Variants in ANKRD44 observed in about 807,000 individuals in gnomAD.
ANKRD44 encodes the protein ankyrin repeat domain 44.
A neutral mutation model predicts 116.0 loss-of-function variants in ANKRD44; 35 were observed. That is an observed-to-expected ratio of 0.30 (90% CI 0.23 to 0.40). ANKRD44 has a LOEUF of 0.40. Ranked by LOEUF, ANKRD44 falls within the 10% of genes least tolerant of loss-of-function variation. The probability of loss-of-function intolerance (pLI) is 1.00; values close to 1 mark genes in which losing one functional copy is unlikely to be tolerated. For missense variants in ANKRD44, 1,014 were observed against 1,242.6 expected, an observed-to-expected ratio of 0.82 and a Z score of 2.77; for synonymous variants, 435 against 461.8, an observed-to-expected ratio of 0.94 and a Z score of 0.74.
chr2:196,967,188 C>T (rs2075678175), exon 22 of ANKRD44: 1 of 228,688 alleles, frequency 4.4e-6, no homozygotes, highest in African/African-American at 2.2e-5. Flanking sequence ...AGCCAACACC[C>T]TTGCCTTCTG....
At chr2:197,008,046 T>C (rs1426959515) in intron 19 of ANKRD44, 123 bp from the exon 20 acceptor site, 12 of 687,608 alleles carry the variant, frequency 1.7e-5, no homozygotes, top group Non-Finnish European at 3.0e-5. Flanking sequence ...TTTCTTAATA[T>C]TTTCTAAGTG....
intron 11 of ANKRD44, 127 bp from the exon 12 acceptor site, chr2:197,088,901 T>A: frequency 9.9e-7 from 1 of 1,006,378 alleles, no homozygotes; most frequent in Non-Finnish European, 1.4e-6. Flanking sequence ...CAAGCAATTG[T>A]AGTCAGAAAG....
chr2:197,060,124 TAAG>T (rs1491003697), intron 16 of ANKRD44, among the ~76,000 whole-genome samples: 1 of 152,180 alleles, frequency 6.6e-6, no homozygotes, highest in Non-Finnish European at 1.5e-5. Context: ...TGGATAATGA[TAAG>T]AATAATAGAA....
At chr2:197,278,546 G>T (rs543595342) in intron 1 of ANKRD44, among the ~76,000 whole-genome samples, 1 of 152,062 alleles carries the variant, frequency 6.6e-6, no homozygotes, top group Admixed American at 6.6e-5. Context: ...TAGTAGAGAC[G>T]GGGTTTCACC....
intron 1 of ANKRD44, among the ~76,000 whole-genome samples, chr2:197,248,556 G>GTA (rs749889962): frequency 6.6e-5 from 2 of 30,392 alleles, no homozygotes; most frequent in Non-Finnish European, 1.7e-4. Flanking sequence ...ATATGTATAT[G>GTA]TGTGTGTGTG....
intron 1 of ANKRD44, among the ~76,000 whole-genome samples, chr2:197,230,954 T>TAG (rs1412406481): frequency 6.6e-6 from 1 of 152,174 alleles, no homozygotes; most frequent in African/African-American, 2.4e-5. Flanking sequence ...AACTCAGTCT[T>TAG]CTGGCTCTAC....
chr2:197,242,922 G>C (rs2082119762), intron 1 of ANKRD44, among the ~76,000 whole-genome samples: 1 of 152,136 alleles, frequency 6.6e-6, no homozygotes, highest in African/African-American at 2.4e-5. Flanking sequence ...CAGATGTAAG[G>C]GCCACAAATA....
intron 21 of ANKRD44, among the ~76,000 whole-genome samples, chr2:196,971,802 C>G (rs1220555256): frequency 1.3e-5 from 2 of 152,188 alleles, no homozygotes; most frequent in African/African-American, 4.8e-5. Flanking sequence ...CAGGCTCTCC[C>G]CATGGGGCAA....
chr2:197,085,287 G>A (rs1056095195), intron 13 of ANKRD44, among the ~76,000 whole-genome samples: 7 of 152,052 alleles, frequency 4.6e-5, no homozygotes, highest in South Asian at 4.2e-4. Flanking sequence ...ACCTCACGAC[G>A]GGGCCCAAAG....
At chr2:197,241,245 A>G (rs1167098007) in intron 1 of ANKRD44, among the ~76,000 whole-genome samples, 1 of 152,238 alleles carries the variant, frequency 6.6e-6, no homozygotes, top group Non-Finnish European at 1.5e-5. Context: ...GGATGCTAAT[A>G]AATTCTACAC....
intron 16 of ANKRD44, among the ~76,000 whole-genome samples, chr2:197,042,772 C>G (rs541186198): frequency 1.3e-5 from 2 of 152,316 alleles, no homozygotes; most frequent in African/African-American, 4.8e-5. Context: ...AGGCATCCAG[C>G]AATTCTGAAA....
chr2:197,180,090 C>T (rs188207902), intron 2 of ANKRD44, among the ~76,000 whole-genome samples: 1 of 150,950 alleles, frequency 6.6e-6, no homozygotes, highest in Non-Finnish European at 1.5e-5. Flanking sequence ...AATCAGCGAG[C>T]CAGAAACAGT....
At chr2:197,000,326 T>G in intron 23 of ANKRD44, 93 bp downstream of exon 23, 1 of 954,780 alleles carries the variant, frequency 1.0e-6, no homozygotes. Flanking sequence ...CATTATTCTT[T>G]CAATTAAAAA....
chr2:197,084,774 A>C (rs1467415230), intron 13 of ANKRD44, among the ~76,000 whole-genome samples: 2 of 152,148 alleles, frequency 1.3e-5, no homozygotes, highest in Admixed American at 6.5e-5. Context: ...GAAATTTTAA[A>C]TATTTTACCT....
chr2:197,287,837 T>C (rs57050480), intron 1 of ANKRD44, among the ~76,000 whole-genome samples: 2 of 151,576 alleles, frequency 1.3e-5, no homozygotes, highest in African/African-American at 4.9e-5. Flanking sequence ...CTGGCCAACA[T>C]GGTGAAACCC....
intron 16 of ANKRD44, among the ~76,000 whole-genome samples, chr2:197,034,050 T>TAGAGAGAGAGAC: frequency 9.0e-6 from 1 of 110,662 alleles, no homozygotes; most frequent in Non-Finnish European, 1.8e-5. Flanking sequence ...ATATGAGGGC[T>TAGAGAGAGAGAC]AGAGAGAGAG....
chr2:197,068,284 C>A (rs1186715909), intron 16 of ANKRD44, among the ~76,000 whole-genome samples: 1 of 134,558 alleles, frequency 7.4e-6, no homozygotes, highest in African/African-American at 2.8e-5. Flanking sequence ...GTGGGTGCAG[C>A]GCACCAGCAT....
rs969850986 is a variant in ANKRD44 at position 197,142,259 on chromosome 2, A to G, written c.190+4768T>C. ...TCTGTAAGCCATGTCATCTAGAAAG[A>G]AGTAGAATAAAGAAAACGGAAGTGG... On this transcript the variant is annotated intron_variant, in intron 3 of 27. Transcript: ENST00000282272. Among the ~76,000 whole-genome samples, 12 of 152,194 alleles carry G rather than the reference A, an allele frequency of 7.9e-5. 1 individual carries two copies. Among genetic ancestry groups the G allele is most frequent in the Admixed American group, 7.2e-4 (11 of 15,274 alleles).
At chr2:197,119,991 C>T (rs1242859930) in intron 8 of ANKRD44, among the ~76,000 whole-genome samples, 6 of 152,132 alleles carry the variant, frequency 3.9e-5, no homozygotes, top group Non-Finnish European at 8.8e-5. Flanking sequence ...ATCTGGAACA[C>T]TCTCTCTCAA....
Sources: allele counts gnomAD v4.1 joint callset (sites outside exome capture counted in the v4.1 genomes callset), GRCh38; gene constraint gnomAD v4.1.1; transcripts MANE v1.5; gene names NCBI Gene and HGNC (gene_info 2026-07-23, HGNC 2026-07-21).